The following DLC1 variants were observed in gnomAD, a reference collection of about 807,000 sequenced individuals.
DLC1 encodes the protein DLC1 Rho GTPase activating protein, also known as rho GTPase-activating protein 7.
DLC1 carries 54 observed loss-of-function variants against 140.3 expected under a neutral mutation model. That is an observed-to-expected ratio of 0.38 (90% CI 0.31 to 0.48). The LOEUF is 0.48. Ranked by LOEUF, DLC1 falls within the 20% of genes least tolerant of loss-of-function variation. DLC1 has a pLI of 0.96. For synonymous variants in DLC1, 986 were observed against 728.1 expected, an observed-to-expected ratio of 1.35 and a Z score of -5.70; for missense variants, 2,536 against 1,907.0, an observed-to-expected ratio of 1.33 and a Z score of -6.14.
At chr8:13,327,573 G>A in intron 4 of DLC1, among the ~76,000 whole-genome samples, 1 of 151,654 alleles carries the variant, frequency 6.6e-6, no homozygotes, top group East Asian at 1.9e-4. Context: ...TCCTGTCTCA[G>A]GTTCTCATTG....
chr8:13,285,736 T>A (rs534744330), intron 5 of DLC1, among the ~76,000 whole-genome samples: 2 of 152,260 alleles, frequency 1.3e-5, no homozygotes, highest in South Asian at 2.1e-4. Context: ...TGGAAACAGT[T>A]TGGAAGTTTC....
At chr8:13,600,016 A>G (rs981683087) in intron 1 of DLC1, among the ~76,000 whole-genome samples, 1 of 151,886 alleles carries the variant, frequency 6.6e-6, no homozygotes, top group Non-Finnish European at 1.5e-5. Context: ...CAGAAGCACT[A>G]CTTTCTTTCG....
intron 2 of DLC1, among the ~76,000 whole-genome samples, chr8:13,471,577 A>G (rs980514490): frequency 6.6e-6 from 1 of 151,788 alleles, no homozygotes; most frequent in Non-Finnish European, 1.5e-5. Flanking sequence ...AAAATAGCGA[A>G]TGGGTACAAG....
Position 13,262,831 on chromosome 8 carries a change from G to A in DLC1, c.1348+42438C>T, listed in dbSNP as rs78791611. On this transcript the variant is annotated intron_variant, in intron 5 of 17. Transcript: ENST00000276297. ...ACTACTTGATGGATGACGAATGCAA[G>A]TACAGAGGTCATCATCTCCACAGGC... 1.5e-3 allele frequency among the ~76,000 whole-genome samples: 222 copies of A among 152,276 alleles called. 2 individuals are homozygous for A. The East Asian group carries it at 0.028, about 19-fold the overall frequency.
intron 5 of DLC1, among the ~76,000 whole-genome samples, chr8:13,226,389 C>T (rs1487991897): frequency 1.3e-5 from 2 of 152,112 alleles, no homozygotes; most frequent in African/African-American, 2.4e-5. Flanking sequence ...ACACAAATAA[C>T]CACATAGCAT....
At chr8:13,159,048 G>A (rs988562521) in intron 5 of DLC1, among the ~76,000 whole-genome samples, 1 of 152,128 alleles carries the variant, frequency 6.6e-6, no homozygotes, top group Non-Finnish European at 1.5e-5. Context: ...AGTGAAGCAG[G>A]CAGAGATAGG....
chr8:13,417,619 A>T (rs1219745836), intron 2 of DLC1, among the ~76,000 whole-genome samples: 1 of 151,954 alleles, frequency 6.6e-6, no homozygotes, highest in East Asian at 1.9e-4. Context: ...ATTGTTGGAC[A>T]TTTGTGTTGG....
chr8:13,184,997 A>G (rs951174426), intron 5 of DLC1, among the ~76,000 whole-genome samples: 4 of 151,848 alleles, frequency 2.6e-5, no homozygotes, highest in African/African-American at 9.7e-5. Context: ...TTGGGTGCAT[A>G]TATATTTAGG....
At chr8:13,488,381 A>G (rs949470568) in intron 2 of DLC1, among the ~76,000 whole-genome samples, 7 of 152,234 alleles carry the variant, frequency 4.6e-5, no homozygotes, top group African/African-American at 1.7e-4. Flanking sequence ...CAAATTAACT[A>G]TAAATTAGCT....
intron 1 of DLC1, chr8:13,568,302 T>G (rs565476284): frequency 1.5e-5 from 3 of 196,578 alleles, no homozygotes; most frequent in Non-Finnish European, 3.4e-5. Context: ...AGGCTCTGAC[T>G]TGTGCGCCCG....
intron 1 of DLC1, among the ~76,000 whole-genome samples, chr8:13,521,756 C>T (rs940203993): frequency 2.0e-5 from 3 of 152,128 alleles, no homozygotes; most frequent in African/African-American, 7.2e-5. Flanking sequence ...ATATTTGTTC[C>T]AATTTCTGTT....
intron 1 of DLC1, among the ~76,000 whole-genome samples, chr8:13,584,954 G>A (rs1017675242): frequency 6.6e-6 from 1 of 151,908 alleles, no homozygotes; most frequent in Non-Finnish European, 1.5e-5. Flanking sequence ...TTTAGCTTCT[G>A]CATTTTGGTG....
At chr8:13,381,909 T>G (rs1457867615) in intron 4 of DLC1, among the ~76,000 whole-genome samples, 5 of 151,984 alleles carry the variant, frequency 3.3e-5, no homozygotes, top group Non-Finnish European at 5.9e-5. Flanking sequence ...GATGGAGACT[T>G]TGAGATTGGG....
intron 1 of DLC1, among the ~76,000 whole-genome samples, chr8:13,556,547 C>T (rs1804052479): frequency 6.6e-6 from 1 of 152,192 alleles, no homozygotes; most frequent in Admixed American, 6.5e-5. Flanking sequence ...ATGATGCCTG[C>T]TTCCTGTGGT....
At chr8:13,091,457 G>A in intron 13 of DLC1, 25 bp from the exon 14 acceptor site, 1 of 1,585,136 alleles carries the variant, frequency 6.3e-7, no homozygotes, top group Non-Finnish European at 8.6e-7. Context: ...TACAGGAGGG[G>A]AACAGTTCAA....
intron 1 of DLC1, among the ~76,000 whole-genome samples, chr8:13,539,067 A>G (rs1226198245): frequency 1.3e-5 from 2 of 152,144 alleles, no homozygotes; most frequent in Non-Finnish European, 2.9e-5. Flanking sequence ...GTAAAATATT[A>G]TTATTTTGAA....
intron 1 of DLC1, among the ~76,000 whole-genome samples, chr8:13,574,620 C>A (rs1303979469): frequency 1.3e-5 from 2 of 151,950 alleles, no homozygotes; most frequent in East Asian, 1.9e-4. Context: ...ATAATATATA[C>A]ATAATAGAAA....
At chr8:13,566,074 G>T (rs2117393988) in intron 1 of DLC1, among the ~76,000 whole-genome samples, 1 of 152,168 alleles carries the variant, frequency 6.6e-6, no homozygotes, top group African/African-American at 2.4e-5. Context: ...TGATTGCTGG[G>T]CTCATACTAG....
chr8:13,111,679 G>A (rs751538016), intron 6 of DLC1, among the ~76,000 whole-genome samples: 2 of 152,064 alleles, frequency 1.3e-5, no homozygotes, highest in African/African-American at 4.8e-5. Context: ...CTGGATAAAG[G>A]CAAGTTATCA....
Sources: allele counts gnomAD v4.1 joint callset (sites outside exome capture counted in the v4.1 genomes callset), GRCh38; gene constraint gnomAD v4.1.1; transcripts MANE v1.5; gene names NCBI Gene and HGNC (gene_info 2026-07-23, HGNC 2026-07-21).